GRID2: variants seen among roughly 807,000 people sequenced by gnomAD.
GRID2 encodes the protein glutamate receptor ionotropic, delta-2.
GRID2 carries 33 observed loss-of-function variants against 114.8 expected under a neutral mutation model. The ratio of observed to expected loss-of-function variants is 0.29; its 90% CI spans 0.22 to 0.38. GRID2 has a LOEUF of 0.38. Ranked by LOEUF, GRID2 falls within the 10% of genes least tolerant of loss-of-function variation. The pLI is 1.00. For synonymous variants in GRID2, 505 were observed against 449.9 expected (o/e 1.12, Z -1.55); for missense variants, 1,184 against 1,257.7 (o/e 0.94, Z 0.89).
intron 2 of GRID2, among the ~76,000 whole-genome samples, chr4:93,043,978 A>G (rs1361246894): frequency 6.6e-6 from 1 of 151,856 alleles, no homozygotes; most frequent in Non-Finnish European, 1.5e-5. Flanking sequence ...GTTTATAGTT[A>G]TAAGTGAAGA....
intron 2 of GRID2, among the ~76,000 whole-genome samples, chr4:92,794,853 G>A (rs1739773022): frequency 7.5e-6 from 1 of 133,858 alleles, no homozygotes; most frequent in Admixed American, 7.9e-5. Context: ...ATAACACAGA[G>A]TCATTTAATA....
chr4:93,442,025 C>A (rs977732910), intron 10 of GRID2, among the ~76,000 whole-genome samples: 4 of 151,922 alleles, frequency 2.6e-5, no homozygotes, highest in Non-Finnish European at 4.4e-5. Flanking sequence ...AGGAGAACAG[C>A]CAGAATTGAT....
At chr4:93,173,227 C>A (rs2149425118) in intron 4 of GRID2, among the ~76,000 whole-genome samples, 1 of 152,152 alleles carries the variant, frequency 6.6e-6, no homozygotes, top group African/African-American at 2.4e-5. Context: ...AAATTCCAGT[C>A]AGATTCAAGA....
At chr4:93,369,131 G>A (rs996814370) in intron 8 of GRID2, among the ~76,000 whole-genome samples, 20 of 152,236 alleles carry the variant, frequency 1.3e-4, no homozygotes, top group Non-Finnish European at 2.6e-4. Context: ...CAGCAGGGCT[G>A]CACTCCCCCT....
intron 1 of GRID2, among the ~76,000 whole-genome samples, chr4:92,534,424 T>C (rs1308466752): frequency 2.6e-5 from 4 of 152,092 alleles, no homozygotes; most frequent in Non-Finnish European, 4.4e-5. Context: ...CTTCTGAAGA[T>C]AAAAACAGGG....
chr4:93,017,423 T>TGCTG (rs1377159871), intron 2 of GRID2, among the ~76,000 whole-genome samples: 2 of 152,172 alleles, frequency 1.3e-5, no homozygotes, highest in African/African-American at 4.8e-5. Context: ...AGTTAACTTT[T>TGCTG]GCTGCTGCTA....
chr4:93,365,743 C>A (rs1560543450), intron 8 of GRID2, among the ~76,000 whole-genome samples: 1 of 152,138 alleles, frequency 6.6e-6, no homozygotes, highest in African/African-American at 2.4e-5. Flanking sequence ...AAAGCTCTTA[C>A]AGCCTAAAGT....
intron 10 of GRID2, among the ~76,000 whole-genome samples, chr4:93,447,470 C>G (rs1471766672): frequency 6.6e-6 from 1 of 151,804 alleles, no homozygotes; most frequent in East Asian, 1.9e-4. Context: ...ATAAAAGTAT[C>G]AAAAACATGT....
Position 93,226,799 on chromosome 4 carries a change from GCT to G in GRID2, c.1125+2027_1125+2028del, listed in dbSNP as rs146139534. On this transcript the variant is annotated intron_variant, in intron 7 of 15. Transcript: ENST00000282020. The stretch of plus-strand genomic sequence containing the variant: ...GACAAGTCTCTGCCTGAGTCTTCAT[GCT>G]CTTTGTGACATCCTTGGAAACTTTA... 2.4e-3 allele frequency among the ~76,000 whole-genome samples: 368 copies of G among 152,270 alleles called. 1 individual carries two copies. Among genetic ancestry groups the G allele is most frequent in the African/African-American group, 8.5e-3 (352 of 41,558 alleles).
chr4:93,108,908 T>C (rs1370245053), intron 3 of GRID2, among the ~76,000 whole-genome samples: 2 of 152,058 alleles, frequency 1.3e-5, no homozygotes, highest in African/African-American at 4.8e-5. Context: ...GGATTACAGG[T>C]GTGAGCCACC....
intron 4 of GRID2, among the ~76,000 whole-genome samples, chr4:93,148,840 T>C (rs1736483023): frequency 6.6e-6 from 1 of 152,194 alleles, no homozygotes; most frequent in Admixed American, 6.6e-5. Flanking sequence ...AATAAATATT[T>C]CATGACTAAA....
intron 2 of GRID2, among the ~76,000 whole-genome samples, chr4:93,054,920 A>G (rs560896723): frequency 1.3e-5 from 2 of 151,932 alleles, no homozygotes; most frequent in African/African-American, 2.4e-5. Context: ...AGATAAAACA[A>G]TGCCTTATTT....
chr4:92,826,962 G>T (rs531137011), intron 2 of GRID2, among the ~76,000 whole-genome samples: 3 of 151,932 alleles, frequency 2.0e-5, no homozygotes, highest in Non-Finnish European at 4.4e-5. Context: ...TATGTTTCAG[G>T]TTCCATATTC....
intron 8 of GRID2, among the ~76,000 whole-genome samples, chr4:93,325,668 A>T (rs1310561095): frequency 2.0e-5 from 3 of 151,698 alleles, no homozygotes; most frequent in South Asian, 4.1e-4. Context: ...AAATTTTGAT[A>T]GTATACTATT....
At chr4:92,392,044 T>C (rs1005441608) in intron 1 of GRID2, among the ~76,000 whole-genome samples, 1 of 152,214 alleles carries the variant, frequency 6.6e-6, no homozygotes, top group African/African-American at 2.4e-5. Context: ...AACTTTATTA[T>C]GTTTTATGAA....
chr4:93,259,866 GT>G (rs1750059219), intron 8 of GRID2, among the ~76,000 whole-genome samples: 2 of 151,710 alleles, frequency 1.3e-5, no homozygotes, highest in South Asian at 4.1e-4. Context: ...GGGGGCATGT[GT>G]TAAAAATATG....
chr4:93,487,401 C>T (rs1054773891), intron 11 of GRID2, among the ~76,000 whole-genome samples: 51 of 151,904 alleles, frequency 3.4e-4, no homozygotes, highest in African/African-American at 1.2e-3. Flanking sequence ...ACATTGCAGG[C>T]TATCAGTTTC....
At chr4:93,255,599 C>T (rs944610513) in intron 8 of GRID2, among the ~76,000 whole-genome samples, 1 of 152,026 alleles carries the variant, frequency 6.6e-6, no homozygotes. Context: ...TGAGTTCTCA[C>T]TCTCGGAAGG....
intron 8 of GRID2, among the ~76,000 whole-genome samples, chr4:93,299,403 G>A (rs556901936): frequency 6.6e-6 from 1 of 151,368 alleles, no homozygotes; most frequent in Admixed American, 6.6e-5. Context: ...AAATGAGTAT[G>A]TAAGCGCATT....
Sources: allele counts gnomAD v4.1 joint callset (sites outside exome capture counted in the v4.1 genomes callset), GRCh38; gene constraint gnomAD v4.1.1; transcripts MANE v1.5; gene names NCBI Gene and HGNC (gene_info 2026-07-23, HGNC 2026-07-21).